SFMBT1: variants seen among roughly 807,000 people sequenced by gnomAD.
SFMBT1 encodes the protein Scm like with four mbt domains 1, also known as scm-like with four MBT domains protein 1.
SFMBT1 carries 32 observed loss-of-function variants against 108.7 expected under a neutral mutation model. That is an observed-to-expected ratio of 0.29 (90% CI 0.22 to 0.40). The LOEUF is 0.40. SFMBT1 is among the 10% of genes least tolerant of loss of function. SFMBT1 has a pLI of 1.00. For synonymous variants in SFMBT1, 348 were observed against 369.5 expected (o/e 0.94, Z 0.67); for missense variants, 816 against 1,059.6 (o/e 0.77, Z 3.19).
chr3:52,932,300 A>G lies in SFMBT1; in HGVS notation c.462T>C (p.Asn154=), dbSNP rs35824834. 3,765 of 1,613,424 alleles carry G rather than the reference A, an allele frequency of 2.3e-3. 85 individuals carry two copies. The African/African-American group carries it at 0.045, about 19-fold the overall frequency. The change falls in exon 6 of 21, where the codon AAT becomes AAC. Residue 154 remains asparagine, a synonymous_variant. Transcript: ENST00000394752. ...PPVPLLEGLR[N]GRNPLDLIAP... ...CAATGAGATCTAAAGGATTCCTCCC[A>G]TTACGGAGCTGTAGGATTAAAAAGT...
At chr3:52,927,806 C>T (rs1256388744) in intron 9 of SFMBT1, among the ~76,000 whole-genome samples, 2 of 152,156 alleles carry the variant, frequency 1.3e-5, no homozygotes, top group East Asian at 1.9e-4. Flanking sequence ...TCTGGCTCTA[C>T]GGCCTCTTCT....
intron 5 of SFMBT1, among the ~76,000 whole-genome samples, chr3:52,934,281 T>C (rs1017232730): frequency 6.6e-6 from 1 of 152,190 alleles, no homozygotes; most frequent in African/African-American, 2.4e-5. Flanking sequence ...AGTGACAAGA[T>C]ATAACTTAGA....
chr3:52,963,778 G>A (rs1056838896), intron 2 of SFMBT1, among the ~76,000 whole-genome samples: 4 of 152,052 alleles, frequency 2.6e-5, no homozygotes, highest in African/African-American at 9.7e-5. Flanking sequence ...ACAATACTCT[G>A]ACTATAAACA....
intron 1 of SFMBT1, among the ~76,000 whole-genome samples, chr3:52,979,715 G>A (rs1316305698): frequency 6.6e-6 from 1 of 152,130 alleles, no homozygotes; most frequent in Non-Finnish European, 1.5e-5. Flanking sequence ...CTTAAAGGAG[G>A]CTTCATGAAT....
chr3:52,945,331 A>G (rs1703330884), intron 3 of SFMBT1, among the ~76,000 whole-genome samples: 1 of 151,964 alleles, frequency 6.6e-6, no homozygotes, highest in Admixed American at 6.6e-5. Flanking sequence ...CAATTTGAGC[A>G]ATAAAATAAA....
chr3:52,948,373 T>C (rs1703447328), intron 3 of SFMBT1, among the ~76,000 whole-genome samples: 1 of 152,182 alleles, frequency 6.6e-6, no homozygotes, highest in Non-Finnish European at 1.5e-5. Flanking sequence ...TTTTGTCTTA[T>C]TCTTTAGGTG....
intron 2 of SFMBT1, 34 bp from the exon 3 acceptor site, chr3:52,954,445 C>A (rs753915876): frequency 9.3e-6 from 14 of 1,504,500 alleles, no homozygotes; most frequent in Non-Finnish European, 1.3e-5. Flanking sequence ...ACAGGTGAAT[C>A]CCAATTAAAG....
intron 2 of SFMBT1, 97 bp from the exon 3 acceptor site, chr3:52,954,508 A>G: frequency 1.1e-6 from 1 of 929,534 alleles, no homozygotes; most frequent in Non-Finnish European, 1.7e-6. Context: ...TACAGAATTT[A>G]CTTCACAACT....
chr3:52,976,130 A>C (rs1040427038), intron 1 of SFMBT1, among the ~76,000 whole-genome samples: 6 of 151,294 alleles, frequency 4.0e-5, no homozygotes, highest in African/African-American at 1.5e-4. Context: ...AGCCAGACAC[A>C]GTGGCTCATG....
intron 4 of SFMBT1, among the ~76,000 whole-genome samples, chr3:52,940,354 G>A (rs1308242001): frequency 2.0e-5 from 3 of 152,288 alleles, no homozygotes; most frequent in South Asian, 2.1e-4. Flanking sequence ...TGCTTCTTGA[G>A]CCAAAAAATA....
chr3:53,023,933 C>T (rs1449377849), intron 1 of SFMBT1, among the ~76,000 whole-genome samples: 2 of 152,144 alleles, frequency 1.3e-5, no homozygotes, highest in African/African-American at 4.8e-5. Context: ...ACTCATTCAT[C>T]CATTCATTCA....
At position 52,928,284 on chromosome 3, in the gene SFMBT1, C is replaced by A. The variant is rs141910637; in HGVS notation, c.955G>T (p.Ala319Ser). ...GCGTGGCACACAAAGGATCGCCGTG[C>A]GTGGTTCTCAGGACGCAAGTCATCC... The part of the protein sequence containing the change: ...EMDDLRPENH[A>S]RRSFVCHADS... Residue 319 changes from alanine (A) to serine (S), a missense_variant, in exon 9 of 21, where the codon GCA (alanine) becomes TCA (serine). Ala to Ser is a moderately conservative substitution (Grantham distance 99). This residue lies in a region of SFMBT1 where 495 missense variants were observed against 607.4 expected (regional missense o/e 0.81). Transcript: ENST00000394752. The A allele has an allele frequency of 6.2e-7, 1 of 1,614,032 alleles. No individual in the cohort carries two copies. The highest frequency in any genetic ancestry group is 8.5e-7 in the Non-Finnish European group (1 of 1,180,008).
At chr3:52,908,562 C>G (rs1450444556) in intron 17 of SFMBT1, among the ~76,000 whole-genome samples, 1 of 151,896 alleles carries the variant, frequency 6.6e-6, no homozygotes, top group East Asian at 1.9e-4. Context: ...ATTTCTGGAC[C>G]CTGTGGTCTG....
intron 3 of SFMBT1, 95 bp downstream of exon 3, chr3:52,954,222 C>A: frequency 1.0e-6 from 1 of 981,138 alleles, no homozygotes; most frequent in Non-Finnish European, 1.5e-6. Context: ...CTTCAAGTAC[C>A]ACAAATTAAA....
intron 4 of SFMBT1, among the ~76,000 whole-genome samples, chr3:52,939,743 A>G (rs1192501162): frequency 6.6e-6 from 1 of 151,770 alleles, no homozygotes; most frequent in Non-Finnish European, 1.5e-5. Context: ...TTTGGTTTTT[A>G]TTTTAAAATT....
At chr3:53,003,846 T>A (rs1279788586) in intron 1 of SFMBT1, among the ~76,000 whole-genome samples, 1 of 149,514 alleles carries the variant, frequency 6.7e-6, no homozygotes, top group Non-Finnish European at 1.5e-5. Flanking sequence ...TTACATGACA[T>A]TACATCCAAA....
rs114374701 is a variant in SFMBT1, at chr3:53,028,827, C to T, written c.-131+16989G>A. On this transcript the variant is annotated intron_variant, in intron 1 of 20. Coordinates refer to ENST00000394752, the MANE Select transcript of SFMBT1 (RefSeq NM_016329.4). ...AGTGCACAAGTACTCTCAGAGGGGA[C>T]CTGCCTGCCTGTCACTGGCTTGGTG... Among the ~76,000 whole-genome samples the T allele has an allele frequency of 8.4e-3, 1,272 of 152,250 alleles. 15 individuals carry two copies. Among genetic ancestry groups the T allele is most frequent in the African/African-American group, 0.029 (1,212 of 41,548 alleles).
chr3:52,905,679 TA>T (rs1559505263), intron 20 of SFMBT1, among the ~76,000 whole-genome samples: 2 of 152,232 alleles, frequency 1.3e-5, no homozygotes, highest in Non-Finnish European at 2.9e-5. Context: ...AAAAACCCGA[TA>T]AGCTCTTGAA....
chr3:52,947,796 G>A (rs201004386), intron 3 of SFMBT1, among the ~76,000 whole-genome samples: 2 of 150,976 alleles, frequency 1.3e-5, no homozygotes, highest in African/African-American at 2.4e-5. Flanking sequence ...GTGCAGTGGC[G>A]CGATCTCAGC....
Sources: allele counts gnomAD v4.1 joint callset (sites outside exome capture counted in the v4.1 genomes callset), GRCh38; gene constraint gnomAD v4.1.1; regional missense constraint gnomAD v4.1.1; transcripts MANE v1.5; gene names NCBI Gene and HGNC (gene_info 2026-07-23, HGNC 2026-07-21).